Variants in DNAH9 observed in about 807,000 individuals in gnomAD.
DNAH9 encodes DNAH9 variant protein.
A neutral mutation model predicts 471.6 loss-of-function variants in DNAH9; 345 were observed. The observed-to-expected ratio is 0.73, with a 90% CI of 0.67 to 0.80. DNAH9 has a LOEUF of 0.80. Ranked by LOEUF, DNAH9 falls within the 30% of genes least tolerant of loss-of-function variation. DNAH9 has a pLI of 0.00. For synonymous variants in DNAH9, 2,093 were observed against 2,123.6 expected (o/e 0.99, Z 0.40); for missense variants, 5,407 against 5,609.2 (o/e 0.96, Z 1.15).
chr17:11,645,007 CT>C (rs2073354029), intron 11 of DNAH9, among the ~76,000 whole-genome samples: 1 of 152,166 alleles, frequency 6.6e-6, no homozygotes, highest in Admixed American at 6.5e-5. Flanking sequence ...GCAACAGCTG[CT>C]TACTCAGCAG....
rs1967807527 is a variant in DNAH9, at chr17:11,763,537, T to C, written c.7093T>C (p.Cys2365Arg). 6.2e-7 allele frequency: 1 copy of C among 1,614,050 alleles called. No homozygotes were observed. The highest frequency in any genetic ancestry group is 1.7e-5 in the Admixed American group (1 of 60,008). The change falls in exon 36 of 69, where the codon TGC (cysteine) becomes CGC (arginine). Residue 2365 changes from cysteine (C) to arginine (R), a missense_variant. Physicochemically the swap from Cys to Arg is radical, Grantham distance 180. Coordinates refer to ENST00000262442, the MANE Select transcript of DNAH9 (RefSeq NM_001372.4). ...LLTTEDIPAD[C>R]PKEIYEHYFV... ...GACCACGGAGGACATCCCTGCAGAC[T>C]GCCCTAAGGAAATTTATGAGCATTA...
At chr17:11,934,218 C>T in intron 65 of DNAH9, 147 bp downstream of exon 65, 3 of 790,954 alleles carry the variant, frequency 3.8e-6, no homozygotes, top group Non-Finnish European at 4.0e-6. Context: ...AGGGCTTAGA[C>T]AGCTGAGCTC....
Position 11,768,583 on chromosome 17 carries a change from A to G in DNAH9, c.7301A>G (p.Lys2434Arg). 1 of 1,614,164 alleles carries G rather than the reference A, an allele frequency of 6.2e-7. No homozygotes were observed. The highest frequency in any genetic ancestry group is 8.5e-7 in the Non-Finnish European group (1 of 1,180,030). ...ACCAAGAAATTCGAGCCTTGGTCCAAGCTCGTCCCCCAGTTCGAATTTGAC... is the reference window on the plus strand; with the variant it reads ...ACCAAGAAATTCGAGCCTTGGTCCAGGCTCGTCCCCCAGTTCGAATTTGAC... The part of the protein sequence containing the change: ...PETKKFEPWS[K>R]LVPQFEFDPE... The change falls in exon 37 of 69, where the codon AAG becomes AGG. Residue 2434 changes from lysine (K) to arginine (R), a missense_variant. Transcript: ENST00000262442.
intron 67 of DNAH9, among the ~76,000 whole-genome samples, chr17:11,959,370 A>G (rs1461290220): frequency 6.6e-6 from 1 of 152,068 alleles, no homozygotes; most frequent in Non-Finnish European, 1.5e-5. Flanking sequence ...CTTTATACTT[A>G]ATGTTATTTT....
In DNAH9 at chr17:11,704,310, A is replaced by G. The variant is rs1212699674; in HGVS notation, c.5259A>G (p.Gln1753=). 1.2e-6 allele frequency: 2 copies of G among 1,614,070 alleles called. No homozygotes were observed. Among genetic ancestry groups the G allele is most frequent in the Non-Finnish European group, 1.7e-6 (2 of 1,180,034 alleles). Residue 1753 remains glutamine, a synonymous_variant, in exon 25 of 69, where the codon CAA becomes CAG. Transcript: ENST00000262442. ...CCATGAAGGACTATTATAAGAAGCAAGTGGCCCAGCTCAAAACCCTTATCA... is the reference window on the plus strand; with the variant it reads ...CCATGAAGGACTATTATAAGAAGCAGGTGGCCCAGCTCAAAACCCTTATCA... The part of the protein sequence containing the change: ...ESAMKDYYKK[Q]VAQLKTLITM...
Position 11,742,469 on chromosome 17 carries a change from T to A in DNAH9, c.6111+156T>A, listed in dbSNP as rs8082578. Reference sequence around the variant, plus strand: ...GTCGAAACCTCTGAACACTTCCATATTAATGATTTATGTTCACTTTTTTAG... The same window carrying A: ...GTCGAAACCTCTGAACACTTCCATAATAATGATTTATGTTCACTTTTTTAG... On this transcript the variant is annotated intron_variant, in intron 30 of 68. Coordinates refer to ENST00000262442, the MANE Select transcript of DNAH9 (RefSeq NM_001372.4). Among the ~76,000 whole-genome samples the A allele has an allele frequency of 0.95, 144,593 of 152,302 alleles. 69,060 individuals are homozygous for A. Among genetic ancestry groups the A allele is most frequent in the East Asian group, 1 (5,184 of 5,184 alleles).
At chr17:11,730,008 A>G (rs1172064065) in intron 28 of DNAH9, among the ~76,000 whole-genome samples, 1 of 152,166 alleles carries the variant, frequency 6.6e-6, no homozygotes, top group Non-Finnish European at 1.5e-5. Flanking sequence ...CTGTCTTTCC[A>G]TCTCTTGTGT....
chr17:11,894,567 G>A (rs2151006587), intron 59 of DNAH9, 71 bp downstream of exon 59: 2 of 1,577,192 alleles, frequency 1.3e-6, no homozygotes, highest in Non-Finnish European at 1.7e-6. Context: ...TGGTCCCCAT[G>A]AAGTCAGCAG....
At chr17:11,693,647 AC>A (rs2074376545) in intron 20 of DNAH9, among the ~76,000 whole-genome samples, 1 of 152,192 alleles carries the variant, frequency 6.6e-6, no homozygotes, top group Non-Finnish European at 1.5e-5. Context: ...GATAGATAGT[AC>A]CTACATAAAC....
chr17:11,609,685 A>G (rs1179260718), intron 2 of DNAH9, among the ~76,000 whole-genome samples: 1 of 152,218 alleles, frequency 6.6e-6, no homozygotes, highest in Non-Finnish European at 1.5e-5. Context: ...TGTGAAAATA[A>G]TGACCAAAAT....
At chr17:11,957,202 C>A (rs1395751438) in intron 67 of DNAH9, among the ~76,000 whole-genome samples, 1 of 152,014 alleles carries the variant, frequency 6.6e-6, no homozygotes, top group Non-Finnish European at 1.5e-5. Context: ...TCAAAGCTCA[C>A]CCAAGTAAAA....
At chr17:11,922,477 G>A (rs1974168475) in intron 61 of DNAH9, among the ~76,000 whole-genome samples, 2 of 152,094 alleles carry the variant, frequency 1.3e-5, no homozygotes, top group African/African-American at 4.8e-5. Context: ...AAGAGCTAAT[G>A]TTCTCTATAT....
intron 33 of DNAH9, among the ~76,000 whole-genome samples, chr17:11,755,925 C>T (rs955618545): frequency 2.0e-5 from 3 of 152,038 alleles, no homozygotes; most frequent in Non-Finnish European, 2.9e-5. Flanking sequence ...AGGTGAAAGG[C>T]GCGTCTTACA....
intron 50 of DNAH9, among the ~76,000 whole-genome samples, chr17:11,859,084 C>CAA (rs56040033): frequency 0.46 from 29,632 of 64,112 alleles, 5,757 homozygotes; most frequent in Non-Finnish European, 0.49. Context: ...AACCCCGTCT[C>CAA]AAAAAAAAAA....
intron 27 of DNAH9, among the ~76,000 whole-genome samples, chr17:11,719,908 C>T (rs1401056457): frequency 1.3e-5 from 2 of 152,088 alleles, no homozygotes; most frequent in African/African-American, 2.4e-5. Context: ...AAAAGCTTGA[C>T]GTATTTGTGC....
chr17:11,860,387 G>A (rs1971799297), intron 50 of DNAH9, among the ~76,000 whole-genome samples: 1 of 152,266 alleles, frequency 6.6e-6, no homozygotes, highest in Admixed American at 6.5e-5. Context: ...CTCAGAGAAC[G>A]TTCTCAGAAA....
chr17:11,967,809 C>T (rs912929503), intron 68 of DNAH9, among the ~76,000 whole-genome samples: 12 of 152,036 alleles, frequency 7.9e-5, no homozygotes, highest in African/African-American at 2.7e-4. Context: ...TATACTGTAT[C>T]AGACAAAATA....
intron 67 of DNAH9, among the ~76,000 whole-genome samples, chr17:11,958,154 G>A (rs550762220): frequency 3.9e-5 from 6 of 152,280 alleles, no homozygotes; most frequent in African/African-American, 1.4e-4. Flanking sequence ...AGTGAAAGAT[G>A]TCAATATGAA....
intron 28 of DNAH9, among the ~76,000 whole-genome samples, chr17:11,728,456 C>T (rs529905733): frequency 1.3e-5 from 2 of 150,454 alleles, no homozygotes; most frequent in Non-Finnish European, 2.9e-5. Flanking sequence ...TATTAAACAC[C>T]TACAACCTAG....
Sources: allele counts gnomAD v4.1 joint callset (sites outside exome capture counted in the v4.1 genomes callset), GRCh38; gene constraint gnomAD v4.1.1; transcripts MANE v1.5; gene names NCBI Gene and HGNC (gene_info 2026-07-23, HGNC 2026-07-21).